MTERF1: variants seen among roughly 807,000 people sequenced by gnomAD.
The protein encoded by MTERF1 is transcription termination factor 1, mitochondrial.
A neutral mutation model predicts 31.6 loss-of-function variants in MTERF1; 29 were observed. The observed-to-expected ratio is 0.92, with a 90% confidence interval of 0.68 to 1.25. The LOEUF is 1.25. MTERF1 is among the 50% of genes most tolerant of loss of function. The pLI is 0.00. For missense variants in MTERF1, 500 were observed against 469.1 expected, an observed-to-expected ratio of 1.07 and a Z score of -0.61; for synonymous variants, 152 against 164.1, an observed-to-expected ratio of 0.93 and a Z score of 0.57.
rs377191303 is a variant in MTERF1, at chr7:91,874,667, G to A, written c.127C>T (p.Arg43Ter). ...TTGAAGATGTTTTCTGCTGAAAATC[G>A]AGTCATCCAACATCTTGAACCAAAG... ...FLFGSRCWMT[R>*]FSAENIFKSV... Residue 43 changes from arginine (R) to a stop codon, truncating the protein, a stop_gained, in exon 3 of 3, where the codon CGA becomes TGA. Transcript: ENST00000351870. LOFTEE classifies it high-confidence loss of function. The A allele has an allele frequency of 1.4e-5, 23 of 1,613,972 alleles. No homozygotes were observed. The highest frequency in any genetic ancestry group is 1.9e-5 in the Non-Finnish European group (23 of 1,179,982).
At chr7:91,874,806 TTA>T in intron 2 of MTERF1, 42 bp from the exon 3 acceptor site, 1 of 1,393,220 alleles carries the variant, frequency 7.2e-7, no homozygotes, top group Non-Finnish European at 9.9e-7. Context: ...AATGCATGTG[TTA>T]AACAACTAAA....
Position 91,874,200 on chromosome 7 carries a change from G to A in MTERF1, c.594C>T (p.Thr198=). The A allele has an allele frequency of 6.2e-7, 1 of 1,614,122 alleles. No homozygotes were observed. The highest frequency in any genetic ancestry group is 8.5e-7 in the Non-Finnish European group (1 of 1,180,030). Residue 198 remains threonine (T), a synonymous_variant, in exon 3 of 3, where the codon ACC becomes ACT. Coordinates refer to ENST00000351870, the MANE Select transcript of MTERF1 (RefSeq NM_006980.5). ...LTRKCLCRLL[T]NAPRTFSNSL... ...TATTGGAGAAGGTACGAGGGGCATT[G>A]GTCAACAATCGACAAAGGCATTTAC...
At chr7:91,879,755 A>G (rs1007979210) in intron 2 of MTERF1, among the ~76,000 whole-genome samples, 16 of 152,130 alleles carry the variant, frequency 1.1e-4, no homozygotes, top group African/African-American at 3.9e-4. Flanking sequence ...CTCACGTACA[A>G]ATTTCAAAAA....
chr7:91,872,941 T>G lies in MTERF1; in HGVS notation c.*653A>C, dbSNP rs1046633188. The G allele has an allele frequency of 6.6e-6, 1 of 152,218 alleles. No homozygotes were observed. Among genetic ancestry groups the G allele is most frequent in the African/African-American group, 2.4e-5 (1 of 41,464 alleles). The allele number at this position is 152,218 out of a possible 1,614,324, so 9.4% of individuals were successfully genotyped here. The stretch of plus-strand genomic sequence containing the variant: ...GATTTTATATTCACATTTAGTTTTT[T>G]ATGCACACATTTAAGACTTTATAAA... On this transcript the variant is annotated 3_prime_UTR_variant, in exon 3 of 3. Transcript: ENST00000351870.
chr7:91,877,171 A>G (rs1474614500), intron 2 of MTERF1, among the ~76,000 whole-genome samples: 1 of 152,242 alleles, frequency 6.6e-6, no homozygotes, highest in Non-Finnish European at 1.5e-5. Flanking sequence ...TTGACAATGT[A>G]CACAATCAAA....
Position 91,873,641 on chromosome 7 carries a change from T to A in MTERF1, c.1153A>T (p.Lys385Ter). 6.2e-7 allele frequency: 1 copy of A among 1,607,962 alleles called. No homozygotes were observed. Among genetic ancestry groups the A allele is most frequent in the Non-Finnish European group, 8.5e-7 (1 of 1,178,440 alleles). ...TTCAATTTAGCTTCATATCTTTTTT[T>A]ACTCCAAGATAGAAGAGTGATGTTT... Reference protein sequence around the residue: ...TLNITLLSWSKKRYEAKLKKL... With the variant: ...TLNITLLSWS Residue 385 changes from lysine (K) to a stop codon, truncating the protein, a stop_gained, in exon 3 of 3, where the codon AAA (lysine) becomes TAA (stop). Transcript: ENST00000351870. LOFTEE classifies it high-confidence loss of function.
At position 91,880,069 on chromosome 7, in the gene MTERF1, G is replaced by A; in HGVS notation, c.15C>T (p.Ser5=). 2 of 1,613,920 alleles carry A rather than the reference G, an allele frequency of 1.2e-6. No individual in the cohort carries two copies. Among genetic ancestry groups the A allele is most frequent in the Non-Finnish European group, 1.7e-6 (2 of 1,179,968 alleles). Residue 5 remains serine, a synonymous_variant, in exon 2 of 3, where the codon TCC becomes TCT. Coordinates refer to ENST00000351870, the MANE Select transcript of MTERF1 (RefSeq NM_006980.5). Reference sequence around the variant, plus strand: ...GCATTTCTCACCTTGTTTGTCCTAAGGAAAGGCTCTGCATCCCTCCAGAAA... The same window carrying A: ...GCATTTCTCACCTTGTTTGTCCTAAAGAAAGGCTCTGCATCCCTCCAGAAA... MQSL[S]LGQTSISKGL...
chr7:91,874,380 AT>A lies in MTERF1; in HGVS notation c.413del (p.Asn138IlefsTer13). ...YPRAITRTPE[N>X]LSKRWDLWRK... ...TCCACAGATCCCACCGTTTTGAAAG[AT>A]TCTCGGGAGTACGTGTTATTGCTCG... On this transcript the variant is annotated frameshift_variant, in exon 3 of 3. Transcript: ENST00000351870. LOFTEE classifies it high-confidence loss of function. The A allele has an allele frequency of 6.2e-7, 1 of 1,614,156 alleles. No individual in the cohort carries two copies. Among genetic ancestry groups the A allele is most frequent in the Non-Finnish European group, 8.5e-7 (1 of 1,180,034 alleles).
rs202197997 is a variant in MTERF1 at position 91,873,974 on chromosome 7, T to C, written c.820A>G (p.Ile274Val). The C allele has an allele frequency of 3.9e-5, 63 of 1,614,066 alleles. 1 individual carries two copies. In the East Asian group the frequency reaches 9.6e-4, roughly 25 times the overall value. Reference sequence around the variant, plus strand: ...AGGATTTCAGCTCCTGGACCACATATCAGAACCAGCAGTTCCTCACTGTTC... The same window carrying C: ...AGGATTTCAGCTCCTGGACCACATACCAGAACCAGCAGTTCCTCACTGTTC... ...NLNSEELLVL[I>V]CGPGAEILDL... is the part of the protein sequence containing the mutation. Residue 274 changes from isoleucine (I) to valine (V), a missense_variant, in exon 3 of 3, where the codon ATA becomes GTA. Transcript: ENST00000351870.
chr7:91,873,610 A>G lies in MTERF1; in HGVS notation c.1184T>C (p.Leu395Ser), dbSNP rs748236867. ...TTGGCATCCTTAGGCAAATCTGCTT[A>G]ACTTTTTCAATTTAGCTTCATATCT... ...KKRYEAKLKK[L>S]SRFA Residue 395 changes from leucine to serine, a missense_variant, in exon 3 of 3, where the codon TTA becomes TCA. Transcript: ENST00000351870. 35 of 1,605,134 alleles carry G rather than the reference A, an allele frequency of 2.2e-5. No individual in the cohort carries two copies. The highest frequency in any genetic ancestry group is 6.8e-6 in the Non-Finnish European group (8 of 1,176,628).
intron 2 of MTERF1, among the ~76,000 whole-genome samples, chr7:91,878,730 A>G (rs753591539): frequency 6.6e-6 from 1 of 152,152 alleles, no homozygotes; most frequent in Non-Finnish European, 1.5e-5. Context: ...AGCTGCTCAG[A>G]AGGCTGAGGT....
rs1789177366 is a variant in MTERF1 at position 91,871,171 on chromosome 7, G to GC, written c.*2422dup. ...ATGACATGTTAATTTTGCCTGACAGGCATTATCTGTTTGTTTCTCCAAAGT... is the reference window on the plus strand; with the variant it reads ...ATGACATGTTAATTTTGCCTGACAGGCCATTATCTGTTTGTTTCTCCAAAGT... On this transcript the variant is annotated 3_prime_UTR_variant, in exon 3 of 3. Transcript: ENST00000351870. 6.6e-6 allele frequency: 1 copy of GC among 152,266 alleles called. No individual in the cohort carries two copies. Among genetic ancestry groups the GC allele is most frequent in the East Asian group, 1.9e-4 (1 of 5,204 alleles). The allele number at this position is 152,266 out of a possible 1,614,324, so 9.4% of individuals were successfully genotyped here.
In MTERF1 at chr7:91,873,756, G is replaced by A. The variant is rs146631456; in HGVS notation, c.1038C>T (p.Ile346=). The change falls in exon 3 of 3, where the codon ATC becomes ATT. Residue 346 remains isoleucine (I), a synonymous_variant. Transcript: ENST00000351870. ...TTGAATCCAGAACCCGAGGATTTTC[G>A]ATTATTTGTGAAATGCTAATGTTTT... The part of the protein sequence containing the change: ...MEENISISQI[I]ENPRVLDSSI... 12 of 1,613,888 alleles carry A rather than the reference G, an allele frequency of 7.4e-6. No homozygotes were observed. Among genetic ancestry groups the A allele is most frequent in the Middle Eastern group, 1.6e-4 (1 of 6,082 alleles).
intron 2 of MTERF1, among the ~76,000 whole-genome samples, chr7:91,877,667 T>C (rs979654535): frequency 6.6e-6 from 1 of 152,212 alleles, no homozygotes; most frequent in Admixed American, 6.5e-5. Flanking sequence ...CAAGTCTTCA[T>C]TCTCTTTTAC....
chr7:91,878,641 C>T (rs1380648153), intron 2 of MTERF1, among the ~76,000 whole-genome samples: 1 of 152,118 alleles, frequency 6.6e-6, no homozygotes, highest in Non-Finnish European at 1.5e-5. Context: ...TTGAGACCAG[C>T]CTGGACAACA....
chr7:91,877,937 G>T (rs555400897), intron 2 of MTERF1, among the ~76,000 whole-genome samples: 2 of 152,010 alleles, frequency 1.3e-5, no homozygotes, highest in Middle Eastern at 3.4e-3. Flanking sequence ...TAGCACTATC[G>T]CCTCTCAAAC....
chr7:91,878,265 T>C (rs529301020), intron 2 of MTERF1, among the ~76,000 whole-genome samples: 1 of 152,168 alleles, frequency 6.6e-6, no homozygotes, highest in East Asian at 1.9e-4. Flanking sequence ...ACTCTAAAAA[T>C]GACATCTAAA....
In MTERF1 at chr7:91,874,569, T is replaced by C; in HGVS notation, c.225A>G (p.Leu75=). ...CTCCCATAGTAAGTAAGTTTTTCAGTAGGTCCTCATTTTTCAAAGGCTCAC... is the reference window on the plus strand; with the variant it reads ...CTCCCATAGTAAGTAAGTTTTTCAGCAGGTCCTCATTTTTCAAAGGCTCAC... ...TDSEPLKNED[L]LKNLLTMGVD... The change falls in exon 3 of 3, where the codon CTA becomes CTG. Residue 75 remains leucine, a synonymous_variant. Coordinates refer to ENST00000351870, the MANE Select transcript of MTERF1 (RefSeq NM_006980.5). 3 of 1,614,120 alleles carry C rather than the reference T, an allele frequency of 1.9e-6. No individual in the cohort carries two copies. The highest frequency in any genetic ancestry group is 4.5e-5 in the East Asian group (2 of 44,882).
At chr7:91,880,196 CGTTCTCGTTGCATTAT>C in intron 1 of MTERF1, 83 bp from the exon 2 acceptor site, 1 of 1,130,246 alleles carries the variant, frequency 8.8e-7, no homozygotes, top group East Asian at 2.4e-5. Context: ...TCCCAGCTAA[CGTTCTCGTTGCATTAT>C]GTTCTCGTGA....
Sources: allele counts gnomAD v4.1 joint callset (sites outside exome capture counted in the v4.1 genomes callset), GRCh38; gene constraint gnomAD v4.1.1; transcripts MANE v1.5; gene names NCBI Gene and HGNC (gene_info 2026-07-23, HGNC 2026-07-21).